FRS2: variants seen among roughly 807,000 people sequenced by gnomAD.
FRS2 encodes the protein fibroblast growth factor receptor substrate 2.
Under a neutral mutation model 43.9 loss-of-function variants are expected in FRS2, and 8 were observed. The ratio of observed to expected loss-of-function variants is 0.18; its 90% CI spans 0.11 to 0.33. The LOEUF (loss-of-function observed/expected upper bound fraction) is 0.33. Among genes scored for constraint, FRS2 ranks in the 10% least tolerant of loss-of-function variants. The probability of loss-of-function intolerance (pLI) is 1.00; values close to 1 mark genes in which losing one functional copy is unlikely to be tolerated. For synonymous variants in FRS2, 219 were observed against 220.3 expected (o/e 0.99, Z 0.05); for missense variants, 534 against 627.6 (o/e 0.85, Z 1.59).
At position 69,484,095 on chromosome 12, in the gene FRS2, C is replaced by CTTTCTTTTTTTT. The variant is rs1555183009; in HGVS notation, c.-261+13568_-261+13569insCTTTTTTTTTTT. Among the ~76,000 whole-genome samples, 231 of 149,370 alleles carry CTTTCTTTTTTTT rather than the reference C, an allele frequency of 1.5e-3. 1 individual carries two copies. The highest frequency in any genetic ancestry group is 3.4e-3 in the Middle Eastern group (1 of 290). On this transcript the variant is annotated intron_variant, in intron 1 of 8. Coordinates refer to ENST00000549921, the MANE Select transcript of FRS2 (RefSeq NM_001278356.2). ...TAATTAATTGGAAAAGCTTTTCTTT[C>CTTTCTTTTTTTT]TTTTTTTTTGACAGAGTCTCGCTCT...
chr12:69,552,913 A>G (rs944876860), intron 3 of FRS2, among the ~76,000 whole-genome samples: 14 of 152,122 alleles, frequency 9.2e-5, no homozygotes, highest in Admixed American at 8.5e-4. Context: ...AAGTAAACTA[A>G]AAAGGAATGC....
intron 1 of FRS2, among the ~76,000 whole-genome samples, chr12:69,491,110 T>G (rs941545184): frequency 1.3e-5 from 2 of 152,214 alleles, no homozygotes; most frequent in African/African-American, 4.8e-5. Flanking sequence ...TCTTTTTCTT[T>G]TGAGACAGGG....
intron 1 of FRS2, among the ~76,000 whole-genome samples, chr12:69,480,102 AT>A (rs1871223738): frequency 6.6e-6 from 1 of 152,074 alleles, no homozygotes; most frequent in East Asian, 1.9e-4. Context: ...TATTATGCCC[AT>A]TTTTTTCATT....
intron 1 of FRS2, among the ~76,000 whole-genome samples, chr12:69,477,999 C>T (rs576631758): frequency 9.9e-5 from 15 of 151,938 alleles, no homozygotes; most frequent in Admixed American, 2.0e-4. Context: ...CCTCGGCCTC[C>T]CAAAGTGCTG....
chr12:69,477,584 A>C (rs928914812), intron 1 of FRS2, among the ~76,000 whole-genome samples: 1 of 148,082 alleles, frequency 6.8e-6, no homozygotes, highest in Non-Finnish European at 1.5e-5. Context: ...GCCCGGCCTA[A>C]AATACTCTTA....
intron 1 of FRS2, among the ~76,000 whole-genome samples, chr12:69,471,382 C>G (rs1349173920): frequency 1.3e-5 from 2 of 152,094 alleles, no homozygotes; most frequent in Non-Finnish European, 2.9e-5. Context: ...AAGAGTTGGA[C>G]AGTTATATCC....
At chr12:69,486,020 C>G (rs1165586021) in intron 1 of FRS2, among the ~76,000 whole-genome samples, 1 of 152,104 alleles carries the variant, frequency 6.6e-6, no homozygotes, top group African/African-American at 2.4e-5. Context: ...TAGATGGGTA[C>G]TTTGATTAGA....
chr12:69,498,001 C>CT (rs1236219490), intron 1 of FRS2, among the ~76,000 whole-genome samples: 2 of 120,612 alleles, frequency 1.7e-5, no homozygotes, highest in Non-Finnish European at 3.3e-5. Flanking sequence ...ATCATCAGTC[C>CT]TTGTTTGTTT....
intron 1 of FRS2, among the ~76,000 whole-genome samples, chr12:69,513,835 C>T (rs1216916427): frequency 6.6e-6 from 1 of 152,124 alleles, no homozygotes; most frequent in Non-Finnish European, 1.5e-5. Context: ...TCAATGAAAG[C>T]TACTCCTTGG....
chr12:69,521,365 C>T (rs1309602813), intron 1 of FRS2, among the ~76,000 whole-genome samples: 1 of 152,136 alleles, frequency 6.6e-6, no homozygotes, highest in East Asian at 1.9e-4. Flanking sequence ...AGTTTGACTT[C>T]CTCGCCTCCT....
At chr12:69,525,347 A>G (rs1271029586) in intron 1 of FRS2, among the ~76,000 whole-genome samples, 1 of 152,182 alleles carries the variant, frequency 6.6e-6, no homozygotes, top group Non-Finnish European at 1.5e-5. Flanking sequence ...AGATGAGACA[A>G]ACATTGACTA....
intron 3 of FRS2, among the ~76,000 whole-genome samples, chr12:69,553,502 T>C (rs1283661935): frequency 3.9e-5 from 6 of 152,236 alleles, no homozygotes; most frequent in African/African-American, 1.4e-4. Context: ...GATTGTACCT[T>C]TAAATTTTGA....
At chr12:69,494,327 A>G (rs1179813849) in intron 1 of FRS2, among the ~76,000 whole-genome samples, 2 of 152,226 alleles carry the variant, frequency 1.3e-5, no homozygotes, top group Non-Finnish European at 2.9e-5. Context: ...AATGGTAACT[A>G]ACATTTGTAG....
At chr12:69,541,402 G>A (rs566133) in intron 3 of FRS2, among the ~76,000 whole-genome samples, 91,298 of 151,972 alleles carry the variant, frequency 0.6, 29,099 homozygotes, top group African/African-American at 0.82. Flanking sequence ...TACTGACACT[G>A]TACCTTAGAA....
chr12:69,573,823 CCTT>C (rs1880962342), intron 8 of FRS2, among the ~76,000 whole-genome samples, 179 bp from the exon 9 acceptor site: 1 of 152,240 alleles, frequency 6.6e-6, no homozygotes, highest in Non-Finnish European at 1.5e-5. Flanking sequence ...CTACATTTCT[CCTT>C]CTCTTTCCAC....
At chr12:69,573,623 C>G (rs1880943722) in intron 8 of FRS2, among the ~76,000 whole-genome samples, 1 of 152,040 alleles carries the variant, frequency 6.6e-6, no homozygotes, top group African/African-American at 2.4e-5. Context: ...CCACCATGCC[C>G]AGCTAATTTT....
intron 1 of FRS2, among the ~76,000 whole-genome samples, chr12:69,516,295 A>G (rs1239454930): frequency 6.6e-6 from 1 of 150,998 alleles, no homozygotes; most frequent in African/African-American, 2.4e-5. Flanking sequence ...CTCGGCTCAC[A>G]GCAACCTCCG....
rs1236781651 is a variant in FRS2 at position 69,578,901 on chromosome 12, C to A, written c.*3946C>A. ...TGAATTTTACCCCCATGGTTAATTT[C>A]TTTTATAAACATTCCATATTTCTCT... On this transcript the variant is annotated 3_prime_UTR_variant, in exon 9 of 9. Coordinates refer to ENST00000549921, the MANE Select transcript of FRS2 (RefSeq NM_001278356.2). 2.0e-5 allele frequency: 3 copies of A among 152,504 alleles called. No individual in the cohort carries two copies. The highest frequency in any genetic ancestry group is 4.4e-5 in the Non-Finnish European group (3 of 67,996). The allele number at this position is 152,504 out of a possible 1,614,324, so 9.4% of individuals were successfully genotyped here. A position where few individuals can be genotyped will look rare whatever the true frequency, so the allele number is the denominator to read the frequency against.
Position 69,569,080 on chromosome 12 carries a change from A to C in FRS2, c.50A>C (p.His17Pro). Residue 17 changes from histidine to proline, a missense_variant, in exon 5 of 9, where the codon CAT (histidine) becomes CCT (proline). By Grantham distance (77) the His-to-Pro change is moderately conservative. This residue lies in a region of FRS2 where 76 missense variants were observed against 90.5 expected (regional missense o/e 0.84). Coordinates refer to ENST00000549921, the MANE Select transcript of FRS2 (RefSeq NM_001278356.2). ...GATAAAGACACTGTCCCAGATAACC[A>C]TCGGAACAAGTTTAAGGTCAGTAAA... ...CPDKDTVPDNHRNKFKVINVD... is the reference protein window; with the variant it reads ...CPDKDTVPDNPRNKFKVINVD... 3.1e-6 allele frequency: 5 copies of C among 1,610,964 alleles called. No individual in the cohort carries two copies. Among genetic ancestry groups the C allele is most frequent in the Non-Finnish European group, 4.2e-6 (5 of 1,177,558 alleles).
Sources: gnomAD v4.1 joint callset for allele counts (sites outside exome capture counted in the v4.1 genomes callset) on GRCh38, gnomAD v4.1.1 for gene constraint, gnomAD v4.1.1 regional missense constraint, MANE v1.5 for transcripts, NCBI Gene and HGNC (gene_info 2026-07-23, HGNC 2026-07-21) for gene names.